CGAS: variants seen among roughly 807,000 people sequenced by gnomAD.
CGAS encodes the protein 2'3'-cGAMP synthase.
In CGAS, 31 loss-of-function variants were observed where a neutral mutation model predicts 34.0. That is an observed-to-expected ratio of 0.91 (90% CI 0.69 to 1.23). The LOEUF (loss-of-function observed/expected upper bound fraction) is 1.23, where lower values mean the gene tolerates loss of function less well. CGAS is among the 50% of genes most tolerant of loss of function. The pLI, the probability that CGAS is intolerant of heterozygous loss-of-function variation, is 0.00. For missense variants in CGAS, 597 were observed against 657.6 expected, an observed-to-expected ratio of 0.91 and a Z score of 1.01; for synonymous variants, 266 against 260.0, an observed-to-expected ratio of 1.02 and a Z score of -0.22.
chr6:73,452,271 A>G lies in CGAS; in HGVS notation c.-90T>C. On this transcript the variant is annotated 5_prime_UTR_variant, in exon 1 of 5. Coordinates refer to ENST00000370315, the MANE Select transcript of CGAS (RefSeq NM_138441.3). ...CAGCAGCAGCTGTTGGAAACCAAGCACTACTGGCGGGCACACAAGAGTCTG... is the reference window on the plus strand; with the variant it reads ...CAGCAGCAGCTGTTGGAAACCAAGCGCTACTGGCGGGCACACAAGAGTCTG... 1 of 1,407,368 alleles carries G rather than the reference A, an allele frequency of 7.1e-7. No individual in the cohort carries two copies. The highest frequency in any genetic ancestry group is 2.7e-5 in the East Asian group (1 of 36,418). 87.2% of individuals were successfully genotyped at this position (1,407,368 alleles called of 1,614,324 possible).
At chr6:73,426,334 G>A (rs896090414) in intron 4 of CGAS, among the ~76,000 whole-genome samples, 1 of 131,840 alleles carries the variant, frequency 7.6e-6, no homozygotes, top group Non-Finnish European at 1.6e-5. Context: ...TGAAATAAAT[G>A]AAATGAAATG....
At chr6:73,438,172 A>C (rs1015738476) in intron 3 of CGAS, among the ~76,000 whole-genome samples, 2 of 152,240 alleles carry the variant, frequency 1.3e-5, no homozygotes. Context: ...GAGAAAGAAA[A>C]GATATAGCAG....
chr6:73,429,428 T>A (rs187506302), intron 3 of CGAS, among the ~76,000 whole-genome samples: 2 of 152,292 alleles, frequency 1.3e-5, no homozygotes, highest in Admixed American at 1.3e-4. Flanking sequence ...ATAATTTGAA[T>A]CAATTTATTC....
In CGAS at chr6:73,451,656, G is replaced by T; in HGVS notation, c.526C>A (p.Arg176Ser). The change falls in exon 1 of 5, where the codon CGC (arginine) becomes AGC (serine). Residue 176 changes from arginine to serine, a missense_variant. Arg to Ser is a moderately radical substitution (Grantham distance 110, BLOSUM62 -1). Transcript: ENST00000370315. ...RAVLEKLKLSRDDISTAAGMV... is the reference protein window; with the variant it reads ...RAVLEKLKLSSDDISTAAGMV... ...CCCGCCGCCGTGGAGATATCATCGC[G>T]GCTGAGCTTCAACTTCTCCAAAACC... 1 of 1,614,096 alleles carries T rather than the reference G, an allele frequency of 6.2e-7. No individual in the cohort carries two copies.
intron 4 of CGAS, among the ~76,000 whole-genome samples, chr6:73,426,586 TCGGCTCACTGCAACCTCTGACCCTCCC>T (rs1770093133): frequency 1.3e-5 from 2 of 151,268 alleles, no homozygotes; most frequent in Non-Finnish European, 2.9e-5. Flanking sequence ...TGATACAATC[TCGGCTCACTGCAACCTCTGACCCTCCC>T]CTCACCCCCC....
At position 73,425,191 on chromosome 6, in the gene CGAS, T is replaced by C. The variant is rs757166373; in HGVS notation, c.*36A>G. ...TTCTTGTATTCTCCAGGATTTAGGG[T>C]GACTCTAGTTCTTAGATCTTTCTAA... On this transcript the variant is annotated 3_prime_UTR_variant, in exon 5 of 5. Transcript: ENST00000370315. 7.0e-7 allele frequency: 1 copy of C among 1,429,954 alleles called. No individual in the cohort carries two copies. The highest frequency in any genetic ancestry group is 2.4e-5 in the East Asian group (1 of 42,010). The allele number at this position is 1,429,954 out of a possible 1,614,324, so 88.6% of individuals were successfully genotyped here.
intron 1 of CGAS, among the ~76,000 whole-genome samples, chr6:73,450,830 T>C (rs1447523210): frequency 1.3e-5 from 2 of 150,500 alleles, no homozygotes; most frequent in African/African-American, 4.9e-5. Context: ...CTACTAAAAA[T>C]ACAAAAAAAA....
At chr6:73,426,032 C>T (rs1440670491) in intron 4 of CGAS, among the ~76,000 whole-genome samples, 1 of 151,696 alleles carries the variant, frequency 6.6e-6, no homozygotes, top group Non-Finnish European at 1.5e-5. Flanking sequence ...TGCCTGTAAT[C>T]CCAGCACTTT....
rs1562293204 is a variant in CGAS, at chr6:73,440,457, T to C, written c.878-12A>G. The C allele has an allele frequency of 1.9e-6, 3 of 1,577,778 alleles. No homozygotes were observed. The highest frequency in any genetic ancestry group is 2.2e-5 in the East Asian group (1 of 44,654). ...GATGACATCTGTATCTGGTTGAACA[T>C]ATAAAAGAAAAGAAAGTATTTATTA... On this transcript the variant is annotated splice_polypyrimidine_tract_variant and intron_variant, in intron 2 of 4. Transcript: ENST00000370315.
At chr6:73,428,569 C>G (rs2150809297) in intron 4 of CGAS, 140 bp downstream of exon 4, 1 of 673,446 alleles carries the variant, frequency 1.5e-6, no homozygotes, top group East Asian at 2.8e-5. Flanking sequence ...GTTTCATACT[C>G]ACACTCTCCC....
chr6:73,429,682 C>T (rs1450137134), intron 3 of CGAS, among the ~76,000 whole-genome samples: 3 of 151,706 alleles, frequency 2.0e-5, no homozygotes, highest in Admixed American at 6.6e-5. Context: ...AAAAATTAGC[C>T]GGGCGTGGTG....
At chr6:73,437,953 C>T (rs1770306451) in intron 3 of CGAS, among the ~76,000 whole-genome samples, 3 of 151,962 alleles carry the variant, frequency 2.0e-5, no homozygotes, top group African/African-American at 7.3e-5. Context: ...CCTGTAGTCC[C>T]AGCTACTCGA....
chr6:73,430,495 C>T (rs1271898694), intron 3 of CGAS, among the ~76,000 whole-genome samples: 1 of 151,774 alleles, frequency 6.6e-6, no homozygotes, highest in East Asian at 1.9e-4. Context: ...CTACACATAC[C>T]ACATGTATGT....
At chr6:73,429,765 G>A (rs868762848) in intron 3 of CGAS, among the ~76,000 whole-genome samples, 13 of 151,996 alleles carry the variant, frequency 8.6e-5, no homozygotes, top group African/African-American at 2.2e-4. Context: ...GGTGGAGCTT[G>A]CAGTGAGCGG....
intron 2 of CGAS, among the ~76,000 whole-genome samples, chr6:73,444,712 A>G (rs538196564): frequency 1.3e-5 from 2 of 152,310 alleles, no homozygotes; most frequent in Non-Finnish European, 2.9e-5. Flanking sequence ...GACAGATATT[A>G]TAAGAAGGCA....
Position 73,440,424 on chromosome 6 carries a change from C to T in CGAS, c.899G>A (p.Arg300Lys). The T allele has an allele frequency of 1.2e-6, 2 of 1,613,528 alleles. No homozygotes were observed. The highest frequency in any genetic ancestry group is 2.2e-5 in the East Asian group (1 of 44,880). ...DIKDTDVIMK[R>K]KRGGSPAVTL... The stretch of plus-strand genomic sequence containing the variant: ...TACAGCAGGGCTCCCTCCTCTTTTC[C>T]TCTTCATGATGACATCTGTATCTGG... The change falls in exon 3 of 5, where the codon AGG becomes AAG. Residue 300 changes from arginine (R) to lysine (K), a missense_variant. This residue lies in a region of CGAS where 271 missense variants were observed against 324.1 expected (regional missense o/e 0.84). Coordinates refer to ENST00000370315, the MANE Select transcript of CGAS (RefSeq NM_138441.3).
At chr6:73,426,911 T>A (rs1032735657) in intron 4 of CGAS, among the ~76,000 whole-genome samples, 23 of 149,984 alleles carry the variant, frequency 1.5e-4, no homozygotes, top group Non-Finnish European at 2.8e-4. Flanking sequence ...AGTGCAGTGG[T>A]GTGATCTCAG....
intron 3 of CGAS, chr6:73,439,844 G>T: frequency 4.6e-6 from 1 of 218,220 alleles, no homozygotes. Flanking sequence ...ACAGTGTACG[G>T]ATGAGCAAAT....
At chr6:73,444,867 G>T (rs945022245) in intron 2 of CGAS, among the ~76,000 whole-genome samples, 6 of 152,106 alleles carry the variant, frequency 3.9e-5, no homozygotes, top group Admixed American at 1.3e-4. Context: ...AAGCGTAGGG[G>T]GTAACAGAGA....
Sources: allele counts gnomAD v4.1 joint callset (sites outside exome capture counted in the v4.1 genomes callset), GRCh38; gene constraint gnomAD v4.1.1; regional missense constraint gnomAD v4.1.1; transcripts MANE v1.5; gene names NCBI Gene and HGNC (gene_info 2026-07-23, HGNC 2026-07-21).